The following DCUN1D4 variants were observed in gnomAD, a reference collection of about 807,000 sequenced individuals.
DCUN1D4 encodes the protein defective in cullin neddylation 1 domain containing 4.
In DCUN1D4, 22 loss-of-function variants were observed where a neutral mutation model predicts 47.9. That is an observed-to-expected ratio of 0.46 (90% CI 0.33 to 0.66). The LOEUF is 0.66. Ranked by LOEUF, DCUN1D4 falls within the 30% of genes least tolerant of loss-of-function variation. The pLI is 0.02. For synonymous variants in DCUN1D4, 121 were observed against 112.2 expected (o/e 1.08, Z -0.50); for missense variants, 301 against 340.8 (o/e 0.88, Z 0.92).
At chr4:51,896,580 T>A (rs1379168650) in intron 7 of DCUN1D4, among the ~76,000 whole-genome samples, 1 of 152,110 alleles carries the variant, frequency 6.6e-6, no homozygotes, top group East Asian at 1.9e-4. Flanking sequence ...TATTATATTA[T>A]TATATACACA....
At chr4:51,839,532 G>C (rs944710097), upstream of DCUN1D4, among the ~76,000 whole-genome samples, 1 of 152,216 alleles carries the variant, frequency 6.6e-6, no homozygotes, top group Admixed American at 6.5e-5. Context: ...AGCAAATTCA[G>C]TTGGTCATAT....
chr4:51,908,533 T>C (rs769460693), intron 8 of DCUN1D4, among the ~76,000 whole-genome samples: 15 of 152,246 alleles, frequency 9.9e-5, no homozygotes, highest in African/African-American at 3.1e-4. Flanking sequence ...TGACAGCGTA[T>C]AATTTTAATT....
At chr4:51,910,070 A>T (rs146326923) in intron 8 of DCUN1D4, among the ~76,000 whole-genome samples, 33 of 152,256 alleles carry the variant, frequency 2.2e-4, no homozygotes, top group African/African-American at 7.5e-4. Context: ...TAATTTGAAC[A>T]TTTAGATTCC....
chr4:51,852,545 T>C (rs1469145018), intron 1 of DCUN1D4, among the ~76,000 whole-genome samples: 1 of 152,196 alleles, frequency 6.6e-6, no homozygotes, highest in African/African-American at 2.4e-5. Flanking sequence ...TTAAGTCCAA[T>C]AGCTAGTGAA....
chr4:51,843,663 G>GGAGC (rs750433128), intron 1 of DCUN1D4: 18 of 1,249,908 alleles, frequency 1.4e-5, no homozygotes, highest in Admixed American at 1.3e-4. Context: ...GGAGAGGGAG[G>GGAGC]GAGCGAGCGA....
intron 5 of DCUN1D4, among the ~76,000 whole-genome samples, chr4:51,882,403 A>G (rs948549585): frequency 1.3e-5 from 2 of 152,168 alleles, no homozygotes; most frequent in Non-Finnish European, 2.9e-5. Flanking sequence ...CACGACGGGG[A>G]GAGGAAGCCG....
At chr4:51,907,385 T>A (rs1405819542) in intron 8 of DCUN1D4, among the ~76,000 whole-genome samples, 1 of 152,246 alleles carries the variant, frequency 6.6e-6, no homozygotes, top group Non-Finnish European at 1.5e-5. Context: ...ATATTTCAGA[T>A]ATGAGCTTTT....
chr4:51,853,040 G>A (rs1009135751), intron 1 of DCUN1D4, among the ~76,000 whole-genome samples: 4 of 152,182 alleles, frequency 2.6e-5, no homozygotes, highest in African/African-American at 9.7e-5. Flanking sequence ...GTGGGGTGAG[G>A]AGAATGAAGC....
intron 8 of DCUN1D4, chr4:51,905,356 C>T: frequency 1.4e-5 from 4 of 290,294 alleles, no homozygotes; most frequent in South Asian, 1.2e-4. Context: ...TGCTTTCCCT[C>T]CACAAAGCTC....
upstream of DCUN1D4, chr4:51,842,957 G>A (rs1023819320): frequency 4.3e-6 from 4 of 936,856 alleles, no homozygotes; most frequent in South Asian, 7.1e-5. Context: ...GCCTCCGCCA[G>A]GGGCGTTACG....
At chr4:51,852,485 C>A (rs1212255688) in intron 1 of DCUN1D4, among the ~76,000 whole-genome samples, 1 of 152,156 alleles carries the variant, frequency 6.6e-6, no homozygotes, top group Non-Finnish European at 1.5e-5. Context: ...AATTAAGCCA[C>A]AGATCACTTC....
At chr4:51,901,612 T>G (rs1174651401) in intron 8 of DCUN1D4, among the ~76,000 whole-genome samples, 3 of 152,190 alleles carry the variant, frequency 2.0e-5, no homozygotes, top group Non-Finnish European at 4.4e-5. Context: ...GTGCTTCTGC[T>G]TCGACACAGC....
At chr4:51,857,069 T>C (rs1038546557) in intron 1 of DCUN1D4, among the ~76,000 whole-genome samples, 1 of 152,220 alleles carries the variant, frequency 6.6e-6, no homozygotes, top group African/African-American at 2.4e-5. Flanking sequence ...GCACAAAATC[T>C]GATTGGCATG....
At chr4:51,847,122 G>GA (rs1722673869) in intron 1 of DCUN1D4, among the ~76,000 whole-genome samples, 1 of 152,186 alleles carries the variant, frequency 6.6e-6, no homozygotes, top group Non-Finnish European at 1.5e-5. Flanking sequence ...TCGTAGGGTG[G>GA]AAGAAGGGTG....
Position 51,913,738 on chromosome 4 carries a change from C to T in DCUN1D4, c.*154C>T. The T allele has an allele frequency of 1.5e-6, 1 of 652,954 alleles. No homozygotes were observed. Among genetic ancestry groups the T allele is most frequent in the South Asian group, 2.2e-5 (1 of 45,112 alleles). The allele number at this position is 652,954 out of a possible 1,614,324, so 40.4% of individuals were successfully genotyped here. A position where few individuals can be genotyped will look rare whatever the true frequency, so the allele number is the denominator to read the frequency against. On this transcript the variant is annotated 3_prime_UTR_variant, in exon 11 of 11. Transcript: ENST00000334635. ...GTGTTTGCTATTGAATTGGCCAGCT[C>T]TGCTTGCTGTGTGGCATTGTTCTCT...
rs576721357 is a variant in DCUN1D4, at chr4:51,910,554, G to A, written c.616-516G>A. ...AGACACTTCAGAGCCCCAGCATTTG[G>A]TATGAGCTGAAGTCAATTCCAGCAT... On this transcript the variant is annotated intron_variant, in intron 8 of 10. Coordinates refer to ENST00000334635, the MANE Select transcript of DCUN1D4 (RefSeq NM_001040402.3). Among the ~76,000 whole-genome samples the A allele has an allele frequency of 1.2e-4, 19 of 152,214 alleles. 1 individual carries two copies. The South Asian group carries it at 3.5e-3, about 28-fold the overall frequency.
intron 3 of DCUN1D4, among the ~76,000 whole-genome samples, chr4:51,868,993 C>T (rs1220782403): frequency 6.6e-6 from 1 of 151,800 alleles, no homozygotes; most frequent in Non-Finnish European, 1.5e-5. Flanking sequence ...TGGTGCATGC[C>T]TATAATCTCA....
At chr4:51,885,955 A>G (rs1729417889) in intron 5 of DCUN1D4, among the ~76,000 whole-genome samples, 1 of 152,200 alleles carries the variant, frequency 6.6e-6, no homozygotes, top group Non-Finnish European at 1.5e-5. Context: ...GGCTTATTGG[A>G]GACCTTGGCA....
chr4:51,876,773 G>A (rs961675945), intron 4 of DCUN1D4, among the ~76,000 whole-genome samples: 3 of 151,882 alleles, frequency 2.0e-5, no homozygotes, highest in Admixed American at 6.6e-5. Context: ...TGTAGATTTG[G>A]GTATAGGTGG....
Sources: allele counts gnomAD v4.1 joint callset (sites outside exome capture counted in the v4.1 genomes callset), GRCh38; gene constraint gnomAD v4.1.1; transcripts MANE v1.5; gene names NCBI Gene and HGNC (gene_info 2026-07-23, HGNC 2026-07-21).